TCERG1L: variants seen among roughly 807,000 people sequenced by gnomAD.
The protein encoded by TCERG1L is transcription elongation regulator 1-like protein.
TCERG1L carries 37 observed loss-of-function variants against 56.3 expected under a neutral mutation model. The observed-to-expected ratio is 0.66, with a 90% CI of 0.51 to 0.87. The LOEUF (loss-of-function observed/expected upper bound fraction) is 0.87, where lower values mean the gene tolerates loss of function less well. Among genes scored for constraint, TCERG1L ranks in the 40% least tolerant of loss-of-function variants. TCERG1L has a pLI of 0.00. For missense variants in TCERG1L, 799 were observed against 774.2 expected, an observed-to-expected ratio of 1.03 and a Z score of -0.38; for synonymous variants, 324 against 326.3, an observed-to-expected ratio of 0.99 and a Z score of 0.08.
intron 6 of TCERG1L, among the ~76,000 whole-genome samples, chr10:131,154,399 G>A (rs1807218769): frequency 1.3e-5 from 2 of 152,146 alleles, no homozygotes; most frequent in African/African-American, 4.8e-5. Flanking sequence ...GGCTCTCCCT[G>A]GATCCCTGTC....
At position 131,251,448 on chromosome 10, in the gene TCERG1L, G is replaced by A. The variant is rs563645268; in HGVS notation, c.856+8811C>T. Among the ~76,000 whole-genome samples, 16 of 152,260 alleles carry A rather than the reference G, an allele frequency of 1.1e-4. No individual in the cohort carries two copies. In the South Asian group the frequency reaches 2.5e-3, roughly 24 times the overall value. ...GCTCTCTGCAGACCCCACCCAGTCT[G>A]CCAGCCACCTCCAGGACAGCACATG... On this transcript the variant is annotated intron_variant, in intron 4 of 11. Coordinates refer to ENST00000368642, the MANE Select transcript of TCERG1L (RefSeq NM_174937.4).
intron 9 of TCERG1L, among the ~76,000 whole-genome samples, chr10:131,116,120 T>C (rs1269100372): frequency 6.6e-6 from 1 of 152,240 alleles, no homozygotes; most frequent in Non-Finnish European, 1.5e-5. Context: ...ATACTGCCTC[T>C]GGCTCATTTT....
At chr10:131,130,129 G>C (rs1845602157) in intron 8 of TCERG1L, among the ~76,000 whole-genome samples, 1 of 151,900 alleles carries the variant, frequency 6.6e-6, no homozygotes, top group Non-Finnish European at 1.5e-5. Flanking sequence ...CAGTTCCACG[G>C]TTCTGGGAGG....
chr10:131,172,137 G>C (rs996942869), intron 4 of TCERG1L, among the ~76,000 whole-genome samples: 2 of 152,204 alleles, frequency 1.3e-5, no homozygotes, highest in Non-Finnish European at 2.9e-5. Context: ...CATGATATCT[G>C]GAAGCGTGTG....
intron 7 of TCERG1L, 145 bp downstream of exon 7, chr10:131,146,361 T>C: frequency 1.1e-6 from 1 of 932,708 alleles, no homozygotes; most frequent in South Asian, 3.1e-5. Context: ...AAAACTTGAT[T>C]ACTAAACTCT....
intron 3 of TCERG1L, among the ~76,000 whole-genome samples, chr10:131,286,477 A>G (rs35184318): frequency 0.16 from 24,118 of 152,152 alleles, 2,035 homozygotes; most frequent in South Asian, 0.24. Context: ...ATTTGTAAAC[A>G]TTAACTGGAG....
intron 4 of TCERG1L, among the ~76,000 whole-genome samples, chr10:131,195,749 G>A (rs1390240736): frequency 6.6e-6 from 1 of 152,174 alleles, no homozygotes; most frequent in Non-Finnish European, 1.5e-5. Flanking sequence ...TTTATCTTCT[G>A]GGGGACGCCC....
chr10:131,131,708 T>G lies in TCERG1L; in HGVS notation c.1259+2671A>C, dbSNP rs183086765. Among the ~76,000 whole-genome samples the G allele has an allele frequency of 2.4e-4, 36 of 152,276 alleles. No individual in the cohort carries two copies. The East Asian group carries it at 6.8e-3, about 29-fold the overall frequency. ...ATTATGCCAGGGTTCACAAGAAATG[T>G]GGGGAGTAGATGCCGGTGTCCAAAA... On this transcript the variant is annotated intron_variant, in intron 8 of 11. Transcript: ENST00000368642.
chr10:131,097,528 T>C (rs909885824), intron 11 of TCERG1L, among the ~76,000 whole-genome samples: 1 of 152,090 alleles, frequency 6.6e-6, no homozygotes, highest in Non-Finnish European at 1.5e-5. Flanking sequence ...TTTGTATTTT[T>C]AGTAGAGACA....
chr10:131,126,551 T>C (rs1845567177), intron 8 of TCERG1L, among the ~76,000 whole-genome samples: 1 of 151,610 alleles, frequency 6.6e-6, no homozygotes, highest in Admixed American at 6.5e-5. Context: ...TATGTGCTGC[T>C]AGGCGGCAGC....
intron 4 of TCERG1L, among the ~76,000 whole-genome samples, chr10:131,172,613 C>G (rs2996080): frequency 6.6e-6 from 1 of 152,164 alleles, no homozygotes; most frequent in Admixed American, 6.5e-5. Context: ...TGGCTCCGCT[C>G]GCAGCTGGGA....
chr10:131,276,560 T>A (rs1193340146), intron 3 of TCERG1L, among the ~76,000 whole-genome samples: 1 of 152,384 alleles, frequency 6.6e-6, no homozygotes, highest in East Asian at 1.9e-4. Flanking sequence ...GAAATTATTC[T>A]CAGCCCATGT....
At chr10:131,207,828 G>A (rs1011550815) in intron 4 of TCERG1L, among the ~76,000 whole-genome samples, 3 of 152,132 alleles carry the variant, frequency 2.0e-5, no homozygotes, top group Non-Finnish European at 2.9e-5. Flanking sequence ...CCCTGACACC[G>A]AGTGGGTCTT....
At chr10:131,237,470 T>C (rs542934027) in intron 4 of TCERG1L, among the ~76,000 whole-genome samples, 2 of 152,188 alleles carry the variant, frequency 1.3e-5, no homozygotes, top group African/African-American at 4.8e-5. Context: ...TCAGTAGGCA[T>C]GAGTGTTTAC....
intron 11 of TCERG1L, among the ~76,000 whole-genome samples, chr10:131,097,331 A>G (rs1169779299): frequency 2.0e-5 from 3 of 152,050 alleles, no homozygotes; most frequent in Admixed American, 6.6e-5. Flanking sequence ...AAAGTAGTAC[A>G]TGTTCATTAC....
intron 4 of TCERG1L, among the ~76,000 whole-genome samples, chr10:131,218,323 A>G (rs1261439412): frequency 6.6e-5 from 10 of 152,200 alleles, no homozygotes; most frequent in Non-Finnish European, 1.5e-4. Flanking sequence ...GAAACAATGC[A>G]CAGCCCTGTG....
At position 131,146,765 on chromosome 10, in the gene TCERG1L, AC is replaced by A. The variant is rs1177637683; in HGVS notation, c.1035-106del. 6 of 1,321,922 alleles carry A rather than the reference AC, an allele frequency of 4.5e-6. No individual in the cohort carries two copies. The African/African-American group carries it at 8.8e-5, about 19-fold the overall frequency. The allele number at this position is 1,321,922 out of a possible 1,614,324, so 81.9% of individuals were successfully genotyped here. Reference sequence around the variant, plus strand: ...AAAGCCCCTCAGGACCGAAATCCACACATTTGCAAAGCTTGTTTATGGATAG... The same window carrying A: ...AAAGCCCCTCAGGACCGAAATCCACAATTTGCAAAGCTTGTTTATGGATAG... On this transcript the variant is annotated intron_variant, in intron 6 of 11. Transcript: ENST00000368642.
chr10:131,238,870 G>A (rs1231516815), intron 4 of TCERG1L, among the ~76,000 whole-genome samples: 2 of 152,226 alleles, frequency 1.3e-5, no homozygotes, highest in East Asian at 1.9e-4. Flanking sequence ...ACACCGTGCA[G>A]AGGGGGATCT....
At position 131,103,327 on chromosome 10, in the gene TCERG1L, C is replaced by T. The variant is rs550761012; in HGVS notation, c.1485+938G>A. 1.3e-5 allele frequency among the ~76,000 whole-genome samples: 2 copies of T among 152,278 alleles called. No homozygotes were observed. The highest frequency in any genetic ancestry group is 1.9e-4 in the East Asian group (1 of 5,178). On this transcript the variant is annotated intron_variant, in intron 10 of 11. Coordinates refer to ENST00000368642, the MANE Select transcript of TCERG1L (RefSeq NM_174937.4). The surrounding 1 kb of genome is among the most constrained non-coding windows in gnomAD (Gnocchi z 4.3). ...TTGGCTACAGAGATCCATAACAGGACGAAGCCAGTCTGAGGAGGGACAGGC... is the reference window on the plus strand; with the variant it reads ...TTGGCTACAGAGATCCATAACAGGATGAAGCCAGTCTGAGGAGGGACAGGC...
Sources: allele counts gnomAD v4.1 joint callset (sites outside exome capture counted in the v4.1 genomes callset), GRCh38; gene constraint gnomAD v4.1.1; non-coding constraint Gnocchi (gnomAD v3.1); transcripts MANE v1.5; gene names NCBI Gene and HGNC (gene_info 2026-07-23, HGNC 2026-07-21).